HDAC9: variants seen among roughly 807,000 people sequenced by gnomAD.
HDAC9 encodes the protein MEF-2 interacting transcription repressor (MITR) protein.
In HDAC9, 41 loss-of-function variants were observed where a neutral mutation model predicts 139.4. The ratio of observed to expected loss-of-function variants is 0.29; its 90% CI spans 0.23 to 0.38. The LOEUF (loss-of-function observed/expected upper bound fraction) is 0.38. Among genes scored for constraint, HDAC9 ranks in the 10% least tolerant of loss-of-function variants. The pLI is 1.00. For synonymous variants in HDAC9, 517 were observed against 476.2 expected, an observed-to-expected ratio of 1.09 and a Z score of -1.12; for missense variants, 1,147 against 1,297.0, an observed-to-expected ratio of 0.88 and a Z score of 1.78.
intron 25 of HDAC9, among the ~76,000 whole-genome samples, chr7:18,985,325 T>A (rs1181504191): frequency 6.6e-6 from 1 of 151,992 alleles, no homozygotes; most frequent in African/African-American, 2.4e-5. Flanking sequence ...CGGTGTTTGG[T>A]TTTTTGTTCT....
chr7:18,265,928 C>T (rs1158225138), intron 2 of HDAC9, among the ~76,000 whole-genome samples: 1 of 152,056 alleles, frequency 6.6e-6, no homozygotes, highest in Non-Finnish European at 1.5e-5. Flanking sequence ...TTCTATAATA[C>T]CACACCGAAA....
rs867567195 is a variant in HDAC9 at position 18,547,884 on chromosome 7, T to C, written c.23-37397T>C. On this transcript the variant is annotated intron_variant, in intron 2 of 25. Coordinates refer to ENST00000686413, the MANE Select transcript of HDAC9 (RefSeq NM_178425.4). ...CCCTCCCTCCCTCCCTCCCTCCCTC[T>C]CTCCCTCTCTCCCTCTCTCCCTTTC... 8.5e-3 allele frequency among the ~76,000 whole-genome samples: 568 copies of C among 66,512 alleles called. 8 individuals are homozygous for C. Among genetic ancestry groups the C allele is most frequent in the African/African-American group, 0.025 (426 of 16,778 alleles). The allele number at this position is 66,512 out of a possible 152,430, so 43.6% of individuals were successfully genotyped here.
chr7:18,630,360 G>T (rs934230047), intron 7 of HDAC9, among the ~76,000 whole-genome samples: 1 of 151,792 alleles, frequency 6.6e-6, no homozygotes, highest in Non-Finnish European at 1.5e-5. Flanking sequence ...AGTTCTCCAA[G>T]ATCAGATCTT....
At chr7:18,173,446 A>T (rs1032604455) in intron 2 of HDAC9, among the ~76,000 whole-genome samples, 1 of 152,136 alleles carries the variant, frequency 6.6e-6, no homozygotes, top group African/African-American at 2.4e-5. Flanking sequence ...CATTTAGCCC[A>T]TTTACATTTA....
intron 22 of HDAC9, among the ~76,000 whole-genome samples, chr7:18,894,324 C>A (rs1214798486): frequency 2.0e-5 from 3 of 152,064 alleles, no homozygotes; most frequent in Non-Finnish European, 4.4e-5. Context: ...GACACTCTAA[C>A]ATTATGACAT....
At chr7:18,597,662 C>T (rs1832859060) in intron 6 of HDAC9, among the ~76,000 whole-genome samples, 2 of 152,124 alleles carry the variant, frequency 1.3e-5, no homozygotes, top group Non-Finnish European at 2.9e-5. Context: ...GCATATGTTT[C>T]ATAAAATATT....
chr7:18,842,731 A>C (rs925341680), intron 21 of HDAC9, among the ~76,000 whole-genome samples: 1 of 152,140 alleles, frequency 6.6e-6, no homozygotes, highest in Non-Finnish European at 1.5e-5. Context: ...TCATCAAAAA[A>C]TTACAATTTC....
chr7:18,477,403 G>C (rs904779660), intron 1 of HDAC9, among the ~76,000 whole-genome samples: 1 of 151,656 alleles, frequency 6.6e-6, no homozygotes, highest in Admixed American at 6.6e-5. Flanking sequence ...GCGTGCGTGC[G>C]TGCATGCGTG....
intron 1 of HDAC9, among the ~76,000 whole-genome samples, chr7:18,384,067 T>G (rs1018887964): frequency 6.6e-6 from 1 of 152,078 alleles, no homozygotes; most frequent in Non-Finnish European, 1.5e-5. Context: ...TCCCAGCCAT[T>G]TGGGAGGCCA....
intron 2 of HDAC9, among the ~76,000 whole-genome samples, chr7:18,545,541 GATA>G (rs1353899616): frequency 6.6e-6 from 1 of 152,060 alleles, no homozygotes; most frequent in Non-Finnish European, 1.5e-5. Flanking sequence ...AAAAATTATG[GATA>G]TGCCACGGGC....
In HDAC9 at chr7:18,495,989, T is replaced by C; in HGVS notation, c.-76T>C. On this transcript the variant is annotated 5_prime_UTR_variant, in exon 1 of 26. Transcript: ENST00000686413. Reference sequence around the variant, plus strand: ...GGATAACCTAAACTCCAGAGAGCTATAGCATCCACTCTGTCCTTTCTGCTT... The same window carrying C: ...GGATAACCTAAACTCCAGAGAGCTACAGCATCCACTCTGTCCTTTCTGCTT... 1 of 1,372,970 alleles carries C rather than the reference T, an allele frequency of 7.3e-7. No homozygotes were observed. Among genetic ancestry groups the C allele is most frequent in the Non-Finnish European group, 9.4e-7 (1 of 1,066,048 alleles). The allele number at this position is 1,372,970 out of a possible 1,614,324, so 85.0% of individuals were successfully genotyped here. A position where few individuals can be genotyped will look rare whatever the true frequency, so the allele number is the denominator to read the frequency against.
intron 12 of HDAC9, among the ~76,000 whole-genome samples, chr7:18,678,562 C>G (rs1181127964): frequency 6.6e-6 from 1 of 151,646 alleles, no homozygotes; most frequent in Non-Finnish European, 1.5e-5. Context: ...TCTTTTCTTC[C>G]TAGTGGATGA....
intron 1 of HDAC9, among the ~76,000 whole-genome samples, chr7:18,138,692 T>C (rs1038708344): frequency 2.6e-5 from 4 of 151,944 alleles, no homozygotes; most frequent in African/African-American, 9.7e-5. Context: ...GCCAAAAAAT[T>C]AGGGGCTCAA....
chr7:18,616,113 C>T (rs1043709831), intron 6 of HDAC9, among the ~76,000 whole-genome samples: 1 of 152,162 alleles, frequency 6.6e-6, no homozygotes, highest in African/African-American at 2.4e-5. Flanking sequence ...ACTTCTCTGC[C>T]TCCCTCTTCC....
At chr7:18,837,036 T>A (rs969224513) in intron 21 of HDAC9, among the ~76,000 whole-genome samples, 3 of 151,986 alleles carry the variant, frequency 2.0e-5, no homozygotes, top group Admixed American at 2.0e-4. Context: ...TTGTCCTGTG[T>A]GTCATGCATA....
chr7:18,578,824 T>C (rs1174862971), intron 2 of HDAC9, among the ~76,000 whole-genome samples: 6 of 152,138 alleles, frequency 3.9e-5, no homozygotes, highest in Admixed American at 2.6e-4. Context: ...TCATTTTCTT[T>C]TGGAGAAGGC....
At chr7:18,169,402 G>A (rs749977574) in intron 2 of HDAC9, among the ~76,000 whole-genome samples, 8 of 151,492 alleles carry the variant, frequency 5.3e-5, no homozygotes, top group African/African-American at 1.5e-4. Flanking sequence ...GTGAGGCATC[G>A]TTATGGTTTT....
At chr7:18,109,630 G>A (rs1017305611) in intron 1 of HDAC9, among the ~76,000 whole-genome samples, 11 of 151,510 alleles carry the variant, frequency 7.3e-5, no homozygotes, top group African/African-American at 2.4e-4. Context: ...GTTTAATGCT[G>A]TGTATTAAAT....
At chr7:18,915,325 T>G (rs964145399) in intron 22 of HDAC9, among the ~76,000 whole-genome samples, 2 of 152,072 alleles carry the variant, frequency 1.3e-5, no homozygotes, top group African/African-American at 2.4e-5. Flanking sequence ...AAACCCTATA[T>G]TGCTATGGCT....
Sources: allele counts gnomAD v4.1 joint callset (sites outside exome capture counted in the v4.1 genomes callset), GRCh38; gene constraint gnomAD v4.1.1; transcripts MANE v1.5; gene names NCBI Gene and HGNC (gene_info 2026-07-23, HGNC 2026-07-21).